CDH23: variants seen among roughly 807,000 people sequenced by gnomAD.
The protein encoded by CDH23 is cadherin related 23.
A neutral mutation model predicts 317.1 loss-of-function variants in CDH23; 189 were observed. That is an observed-to-expected ratio of 0.60 (90% CI 0.53 to 0.67). The LOEUF (loss-of-function observed/expected upper bound fraction) is 0.67. Among genes scored for constraint, CDH23 ranks in the 30% least tolerant of loss-of-function variants. The pLI, the probability that CDH23 is intolerant of heterozygous loss-of-function variation, is 0.00. For missense variants in CDH23, 4,401 were observed against 4,592.4 expected, an observed-to-expected ratio of 0.96 and a Z score of 1.20; for synonymous variants, 1,839 against 1,876.8, an observed-to-expected ratio of 0.98 and a Z score of 0.52.
At chr10:71,783,571 G>C (rs968567467) in intron 41 of CDH23, among the ~76,000 whole-genome samples, 1 of 152,216 alleles carries the variant, frequency 6.6e-6, no homozygotes, top group Admixed American at 6.5e-5. Flanking sequence ...TGAGGTTCTT[G>C]CTCTGGACTG....
intron 11 of CDH23, among the ~76,000 whole-genome samples, chr10:71,641,008 A>G (rs1277041090): frequency 6.6e-6 from 1 of 152,102 alleles, no homozygotes; most frequent in Admixed American, 6.6e-5. Flanking sequence ...CCCCTCCCTC[A>G]GTCTGGTCTC....
At chr10:71,410,139 C>T (rs990349489) in intron 1 of CDH23, among the ~76,000 whole-genome samples, 1 of 152,206 alleles carries the variant, frequency 6.6e-6, no homozygotes, top group Admixed American at 6.5e-5. Flanking sequence ...GTACCCAATT[C>T]AAAGGGTTAT....
At chr10:71,760,603 G>A (rs2132887288) in intron 38 of CDH23, 1 of 435,308 alleles carries the variant, frequency 2.3e-6, no homozygotes, top group South Asian at 3.1e-5. Flanking sequence ...TGAGGCACTT[G>A]CCCTGGCCAA....
Position 71,807,381 on chromosome 10 carries a change from C to G in CDH23, c.8283C>G (p.Asn2761Lys), listed in dbSNP as rs397517357. Reference sequence around the variant, plus strand: ...CAGTGGATGCAGATGAGGGCCCCAACGCGATCGTGTACTACTTCATCGCAG... The same window carrying G: ...CAGTGGATGCAGATGAGGGCCCCAAGGCGATCGTGTACTACTTCATCGCAG... ...TGAVDADEGP[N>K]AIVYYFIAAG... is the part of the protein sequence containing the mutation. Residue 2761 changes from asparagine to lysine, a missense_variant, in exon 58 of 70, where the codon AAC becomes AAG. Asn to Lys is a moderately conservative substitution (Grantham distance 94). Around this residue, in one of 3 missense-constraint regions of CDH23, gnomAD observed 1,144 missense variants for 1,138.2 expected, o/e 1.01. Coordinates refer to ENST00000224721, the MANE Select transcript of CDH23 (RefSeq NM_022124.6). 1.2e-6 allele frequency: 2 copies of G among 1,613,912 alleles called. No individual in the cohort carries two copies. Among genetic ancestry groups the G allele is most frequent in the Non-Finnish European group, 1.7e-6 (2 of 1,179,838 alleles).
intron 6 of CDH23, among the ~76,000 whole-genome samples, chr10:71,564,579 A>C (rs1211204256): frequency 1.3e-5 from 2 of 152,246 alleles, no homozygotes; most frequent in African/African-American, 4.8e-5. Flanking sequence ...GAAGGATCAG[A>C]GAGGCTTCCC....
chr10:71,738,414 C>T, intron 34 of CDH23, 84 bp from the exon 35 acceptor site: 21 of 1,537,380 alleles, frequency 1.4e-5, no homozygotes, highest in Non-Finnish European at 1.8e-5. Flanking sequence ...GGATCTGGTC[C>T]CTACTGGACC....
At chr10:71,529,972 C>A (rs1013118227) in intron 6 of CDH23, among the ~76,000 whole-genome samples, 2 of 151,720 alleles carry the variant, frequency 1.3e-5, no homozygotes, top group Non-Finnish European at 2.9e-5. Context: ...CTCTGAGGTC[C>A]ACTTGTAACT....
At chr10:71,585,744 G>A (rs1324432169) in intron 9 of CDH23, among the ~76,000 whole-genome samples, 4 of 152,132 alleles carry the variant, frequency 2.6e-5, no homozygotes, top group East Asian at 1.9e-4. Context: ...CCTGCCAGCC[G>A]GCCTCTCCTG....
At position 71,806,636 on chromosome 10, in the gene CDH23, G is replaced by C. The variant is rs139127177; in HGVS notation, c.8178+355G>C. On this transcript the variant is annotated intron_variant, in intron 57 of 69. Transcript: ENST00000224721. ...GCTCCGTTGCCGAGGCTGGAGTGCAGTGGCATGACCTTGACTCACTGCAAC... is the reference window on the plus strand; with the variant it reads ...GCTCCGTTGCCGAGGCTGGAGTGCACTGGCATGACCTTGACTCACTGCAAC... Among the ~76,000 whole-genome samples the C allele has an allele frequency of 4.5e-3, 677 of 149,860 alleles. 6 individuals carry two copies. The highest frequency in any genetic ancestry group is 0.013 in the African/African-American group (523 of 40,512).
At position 71,705,113 on chromosome 10, in the gene CDH23, G is replaced by A. The variant is rs1278297566; in HGVS notation, c.2936G>A (p.Ser979Asn). 3 of 1,610,270 alleles carry A rather than the reference G, an allele frequency of 1.9e-6. No individual in the cohort carries two copies. The highest frequency in any genetic ancestry group is 2.5e-6 in the Non-Finnish European group (3 of 1,178,626). The change falls in exon 25 of 70, where the codon AGC becomes AAC. Residue 979 changes from serine to asparagine, a missense_variant. Ser to Asn is a conservative substitution (Grantham distance 46). Coordinates refer to ENST00000224721, the MANE Select transcript of CDH23 (RefSeq NM_022124.6). ...GGCACGCCCACCAAGAGCTCCACCA[G>A]CACGCTCACCATCCATGGTGAGGGG... The part of the protein sequence containing the change: ...DAGTPTKSST[S>N]TLTIHVLDVN...
chr10:71,473,365 C>T (rs1851617721), intron 3 of CDH23, among the ~76,000 whole-genome samples: 1 of 152,216 alleles, frequency 6.6e-6, no homozygotes, highest in African/African-American at 2.4e-5. Context: ...ACCAAGGGCC[C>T]TCTGTGCACC....
Position 71,751,287 on chromosome 10 carries a change from G to A in CDH23, c.4845+9366G>A, listed in dbSNP as rs749067022. On this transcript the variant is annotated intron_variant, in intron 38 of 69. Transcript: ENST00000224721. This position sits in a 1 kb window ranked among gnomAD's most constrained non-coding sequence, Gnocchi z 4.9. Reference sequence around the variant, plus strand: ...CTCAAAGTTTGGAGAGTCAGGGACAGGGTCTGCAAGAAAAGGAGAAGCAAA... The same window carrying A: ...CTCAAAGTTTGGAGAGTCAGGGACAAGGTCTGCAAGAAAAGGAGAAGCAAA... 1.7e-5 allele frequency: 27 copies of A among 1,609,952 alleles called. No homozygotes were observed. The East Asian group carries it at 5.6e-4, about 33-fold the overall frequency.
intron 1 of CDH23, among the ~76,000 whole-genome samples, chr10:71,427,328 G>A (rs986164900): frequency 1.3e-5 from 2 of 151,928 alleles, no homozygotes; most frequent in Non-Finnish European, 2.9e-5. Flanking sequence ...GTTACCCCCA[G>A]CCCCTGGCAA....
At chr10:71,715,764 T>A (rs1866187686) in intron 28 of CDH23, 6 of 534,830 alleles carry the variant, frequency 1.1e-5, no homozygotes, top group African/African-American at 4.0e-5. Flanking sequence ...CTTCTGAGGA[T>A]CATCTTTGGG....
chr10:71,467,227 T>C (rs2153449), intron 3 of CDH23, among the ~76,000 whole-genome samples: 83,600 of 151,980 alleles, frequency 0.55, 23,408 homozygotes, highest in East Asian at 0.77. Context: ...GTTCAGTGTA[T>C]TAACTGTACA....
chr10:71,644,322 C>A (rs930910308), intron 12 of CDH23, among the ~76,000 whole-genome samples: 2 of 152,240 alleles, frequency 1.3e-5, no homozygotes, highest in African/African-American at 2.4e-5. Flanking sequence ...AGGGCACAGG[C>A]CTGTCTCCAG....
chr10:71,787,049 C>T (rs1321756728), intron 44 of CDH23, among the ~76,000 whole-genome samples: 3 of 152,178 alleles, frequency 2.0e-5, no homozygotes, highest in Non-Finnish European at 2.9e-5. Context: ...CTGAGGTTTG[C>T]GAGTGTGAAG....
rs1454589437 is a variant in CDH23 at position 71,674,150 on chromosome 10, T to C, written c.1450-962T>C. Among the ~76,000 whole-genome samples, 4 of 152,232 alleles carry C rather than the reference T, an allele frequency of 2.6e-5. No individual in the cohort carries two copies. The East Asian group carries it at 7.7e-4, about 29-fold the overall frequency. ...CTGGATAACTAAGATCTTAATCCTT[T>C]GGGTATAAACTTTTTTTCATTTCAT... is the stretch of plus-strand genomic sequence containing the variant. On this transcript the variant is annotated intron_variant, in intron 14 of 69. Transcript: ENST00000224721.
At chr10:71,681,598 G>C (rs932410392) in intron 17 of CDH23, among the ~76,000 whole-genome samples, 2 of 152,182 alleles carry the variant, frequency 1.3e-5, no homozygotes, top group Admixed American at 6.5e-5. Flanking sequence ...GACTGGATGG[G>C]TATGAAGAGC....
Sources: gnomAD v4.1 joint callset for allele counts (sites outside exome capture counted in the v4.1 genomes callset) on GRCh38, gnomAD v4.1.1 for gene constraint, gnomAD v4.1.1 regional missense constraint, Gnocchi (gnomAD v3.1) non-coding constraint, MANE v1.5 for transcripts, NCBI Gene and HGNC (gene_info 2026-07-23, HGNC 2026-07-21) for gene names.